Variants in FAM20B observed in about 807,000 individuals in gnomAD.
The protein encoded by FAM20B is glycosaminoglycan xylosylkinase.
FAM20B carries 23 observed loss-of-function variants against 43.8 expected under a neutral mutation model. The ratio of observed to expected loss-of-function variants is 0.53; its 90% confidence interval spans 0.38 to 0.74. The LOEUF is 0.74. FAM20B is among the 30% of genes least tolerant of loss of function. The pLI is 0.00. For synonymous variants in FAM20B, 178 were observed against 192.4 expected, an observed-to-expected ratio of 0.93 and a Z score of 0.62; for missense variants, 440 against 510.5, an observed-to-expected ratio of 0.86 and a Z score of 1.33.
intron 1 of FAM20B, among the ~76,000 whole-genome samples, chr1:179,033,944 C>T (rs1387650838): frequency 6.6e-6 from 1 of 152,172 alleles, no homozygotes; most frequent in East Asian, 1.9e-4. Context: ...CCGCCCATCT[C>T]ACCTCCCAAA....
intron 1 of FAM20B, among the ~76,000 whole-genome samples, chr1:179,031,768 GCTTAT>G (rs142276075): frequency 0.067 from 10,257 of 152,210 alleles, 378 homozygotes; most frequent in African/African-American, 0.087. Context: ...TACTCTTAAG[GCTTAT>G]CTTAAGGGCT....
At chr1:179,032,525 C>A (rs535035637) in intron 1 of FAM20B, among the ~76,000 whole-genome samples, 18 of 152,004 alleles carry the variant, frequency 1.2e-4, no homozygotes, top group Non-Finnish European at 1.9e-4. Flanking sequence ...AGTTAAATAT[C>A]TTTCCCAAGA....
chr1:179,042,289 C>G (rs7534978), intron 1 of FAM20B, among the ~76,000 whole-genome samples: 2 of 152,236 alleles, frequency 1.3e-5, no homozygotes, highest in Non-Finnish European at 1.5e-5. Flanking sequence ...TACACAGCCA[C>G]GCACGCTGGG....
Position 179,072,385 on chromosome 1 carries a change from G to C in FAM20B, c.*241G>C. 1 of 515,324 alleles carries C rather than the reference G, an allele frequency of 1.9e-6. No individual in the cohort carries two copies. Among genetic ancestry groups the C allele is most frequent in the Non-Finnish European group, 3.5e-6 (1 of 285,246 alleles). The allele number at this position is 515,324 out of a possible 1,614,324, so 31.9% of individuals were successfully genotyped here. A position where few individuals can be genotyped will look rare whatever the true frequency, so the allele number is the denominator to read the frequency against. The stretch of plus-strand genomic sequence containing the variant: ...ACCTCCTCGGCAATTGCTCATTCTA[G>C]GGTTGGGCATCATAGTTGGTCAGTC... On this transcript the variant is annotated 3_prime_UTR_variant, in exon 8 of 8. Transcript: ENST00000263733.
Position 179,073,251 on chromosome 1 carries a change from ACTTAT to A in FAM20B, c.*1111_*1115del, listed in dbSNP as rs1652002798. The A allele has an allele frequency of 1.3e-5, 2 of 152,126 alleles. No homozygotes were observed. The allele number at this position is 152,126 out of a possible 1,614,324, so 9.4% of individuals were successfully genotyped here. A position where few individuals can be genotyped will look rare whatever the true frequency, so the allele number is the denominator to read the frequency against. ...CTTACTCTCTCAGATAAGTGGCTGG[ACTTAT>A]CTTGTGATTTGGGGCCATGGAAGAT... On this transcript the variant is annotated 3_prime_UTR_variant, in exon 8 of 8. Coordinates refer to ENST00000263733, the MANE Select transcript of FAM20B (RefSeq NM_014864.4).
At chr1:179,041,458 A>T (rs1354491902) in intron 1 of FAM20B, among the ~76,000 whole-genome samples, 2 of 152,172 alleles carry the variant, frequency 1.3e-5, no homozygotes. Context: ...GCTGGAGACC[A>T]GCCCGGCCAA....
chr1:179,049,344 C>G (rs3766632), intron 2 of FAM20B, among the ~76,000 whole-genome samples: 1 of 152,050 alleles, frequency 6.6e-6, no homozygotes, highest in Non-Finnish European at 1.5e-5. Flanking sequence ...ACAGCCACAC[C>G]AACCTCCCAC....
intron 7 of FAM20B, among the ~76,000 whole-genome samples, chr1:179,071,162 G>A (rs1261185973): frequency 6.6e-6 from 1 of 151,916 alleles, no homozygotes; most frequent in African/African-American, 2.4e-5. Context: ...CGGGCGTGGT[G>A]GCGGGTGCCT....
chr1:179,025,040 A>T (rs941999453), upstream of FAM20B, among the ~76,000 whole-genome samples: 1 of 152,196 alleles, frequency 6.6e-6, no homozygotes, highest in East Asian at 1.9e-4. Context: ...AACCTGCATT[A>T]TATTTCAGGG....
At chr1:179,040,803 T>G (rs1393449598) in intron 1 of FAM20B, among the ~76,000 whole-genome samples, 1 of 151,262 alleles carries the variant, frequency 6.6e-6, no homozygotes, top group Non-Finnish European at 1.5e-5. Context: ...GCGGAGACGC[T>G]CCTCACTTCC....
chr1:179,044,271 T>A, intron 2 of FAM20B, 47 bp downstream of exon 2: 1 of 1,539,686 alleles, frequency 6.5e-7, no homozygotes, highest in South Asian at 1.3e-5. Flanking sequence ...GTTGATTCAT[T>A]TAACTTGGGA....
chr1:179,071,302 A>AT (rs1436430535), intron 7 of FAM20B, among the ~76,000 whole-genome samples: 3 of 152,082 alleles, frequency 2.0e-5, no homozygotes, highest in African/African-American at 7.2e-5. Context: ...TCTCAAAAAA[A>AT]AAATAATAAT....
Position 179,074,350 on chromosome 1 carries a change from T to C in FAM20B, c.*2206T>C, listed in dbSNP as rs1572566391. ...AGTATGAGAATACCTTGGTTAGTGC[T>C]CACCCACAAGCTTCCAGGAGCCAGC... On this transcript the variant is annotated 3_prime_UTR_variant, in exon 8 of 8. Transcript: ENST00000263733. The C allele has an allele frequency of 6.6e-6, 1 of 152,630 alleles. No individual in the cohort carries two copies. The highest frequency in any genetic ancestry group is 2.4e-5 in the African/African-American group (1 of 41,434). 9.5% of individuals were successfully genotyped at this position (152,630 alleles called of 1,614,324 possible). A position where few individuals can be genotyped will look rare whatever the true frequency, so the allele number is the denominator to read the frequency against.
At chr1:179,050,424 A>G (rs1036448842) in intron 3 of FAM20B, 59 bp downstream of exon 3, 1 of 1,322,952 alleles carries the variant, frequency 7.6e-7, no homozygotes, top group African/African-American at 1.4e-5. Flanking sequence ...TCTTTCTTGG[A>G]GAGGACTCGT....
chr1:179,064,214 A>T, intron 5 of FAM20B, 91 bp from the exon 6 acceptor site: 25 of 1,425,146 alleles, frequency 1.8e-5, no homozygotes. Context: ...GTCAGGGGCA[A>T]ACCGGTAGGT....
At chr1:179,046,653 A>G (rs1650785835) in intron 2 of FAM20B, among the ~76,000 whole-genome samples, 1 of 151,932 alleles carries the variant, frequency 6.6e-6, no homozygotes. Context: ...ACTCCATCTC[A>G]AAAACGTAAA....
intron 2 of FAM20B, among the ~76,000 whole-genome samples, chr1:179,045,458 A>C (rs1173744093): frequency 6.6e-6 from 1 of 152,172 alleles, no homozygotes; most frequent in African/African-American, 2.4e-5. Flanking sequence ...TCCCTTTCTT[A>C]CCCAACTATT....
the FAM20B span, among the ~76,000 whole-genome samples, chr1:179,017,842 T>C: frequency 1.3e-5 from 2 of 152,214 alleles, no homozygotes; most frequent in Non-Finnish European, 2.9e-5. Context: ...TAGGGTTAAT[T>C]ATTAGGGCAC....
In FAM20B at chr1:179,076,110, G is replaced by A. The variant is rs1652118451; in HGVS notation, c.*3966G>A. ...GAGAGTGGACCCTAATTAACATAAAGACCATTCATCAGCGAATAACTACTG... is the reference window on the plus strand; with the variant it reads ...GAGAGTGGACCCTAATTAACATAAAAACCATTCATCAGCGAATAACTACTG... On this transcript the variant is annotated 3_prime_UTR_variant, in exon 8 of 8. Coordinates refer to ENST00000263733, the MANE Select transcript of FAM20B (RefSeq NM_014864.4). The A allele has an allele frequency of 6.6e-6, 1 of 152,180 alleles. No homozygotes were observed. Among genetic ancestry groups the A allele is most frequent in the South Asian group, 2.1e-4 (1 of 4,830 alleles). The allele number at this position is 152,180 out of a possible 1,614,324, so 9.4% of individuals were successfully genotyped here.
Sources: allele counts gnomAD v4.1 joint callset (sites outside exome capture counted in the v4.1 genomes callset), GRCh38; gene constraint gnomAD v4.1.1; transcripts MANE v1.5; gene names NCBI Gene and HGNC (gene_info 2026-07-23, HGNC 2026-07-21).